The following RPTOR variants were observed in gnomAD, a reference collection of about 807,000 sequenced individuals.
RPTOR encodes regulatory associated protein of MTOR complex 1, also known as regulatory-associated protein of mTOR.
In RPTOR, 21 loss-of-function variants were observed where a neutral mutation model predicts 169.9. The ratio of observed to expected loss-of-function variants is 0.12; its 90% CI spans 0.09 to 0.18. The LOEUF is 0.18. Ranked by LOEUF, RPTOR falls within the 10% of genes least tolerant of loss-of-function variation. RPTOR has a pLI of 1.00. For synonymous variants in RPTOR, 732 were observed against 753.2 expected, an observed-to-expected ratio of 0.97 and a Z score of 0.46; for missense variants, 1,133 against 1,855.9, an observed-to-expected ratio of 0.61 and a Z score of 7.16.
In RPTOR at chr17:80,926,961, C is replaced by G. The variant is rs531376591; in HGVS notation, c.2919+1481C>G. 9.2e-5 allele frequency among the ~76,000 whole-genome samples: 14 copies of G among 152,348 alleles called. No homozygotes were observed. In the East Asian group the frequency reaches 2.7e-3, roughly 29 times the overall value. On this transcript the variant is annotated intron_variant, in intron 24 of 33. Transcript: ENST00000306801. ...GGTGGATTCAGTCCTAGTCAGAAGC[C>G]CCTCACCAGGCCCACCTGCTGGGCT...
chr17:80,763,771 A>C (rs1424198725), intron 6 of RPTOR, among the ~76,000 whole-genome samples: 1 of 152,246 alleles, frequency 6.6e-6, no homozygotes. Flanking sequence ...GACCACACGC[A>C]ATGAAGCTAG....
intron 6 of RPTOR, among the ~76,000 whole-genome samples, chr17:80,757,177 AC>A (rs1303536699): frequency 6.6e-6 from 1 of 152,174 alleles, no homozygotes; most frequent in Admixed American, 6.5e-5. Flanking sequence ...TGTTGAGAGA[AC>A]AAGAATATGG....
intron 1 of RPTOR, among the ~76,000 whole-genome samples, chr17:80,606,201 G>A (rs539891336): frequency 1.3e-5 from 2 of 152,020 alleles, no homozygotes; most frequent in East Asian, 1.9e-4. Context: ...CAGTAGAGAC[G>A]GGGTTTCACC....
intron 3 of RPTOR, among the ~76,000 whole-genome samples, chr17:80,699,182 C>T (rs2066062023): frequency 1.3e-5 from 2 of 152,262 alleles, no homozygotes; most frequent in Admixed American, 6.5e-5. Context: ...TCTGGAGAAG[C>T]TCATCGGGCT....
chr17:80,840,514 C>CT (rs1567942067), intron 10 of RPTOR, among the ~76,000 whole-genome samples: 1 of 95,438 alleles, frequency 1.0e-5, no homozygotes, highest in Non-Finnish European at 2.3e-5. Flanking sequence ...GCAGCTCACA[C>CT]CACGGCAGCT....
Position 80,960,945 on chromosome 17 carries a change from A to T in RPTOR, c.3606-449A>T. The T allele has an allele frequency of 5.6e-6, 1 of 177,526 alleles. No individual in the cohort carries two copies. Among genetic ancestry groups the T allele is most frequent in the Non-Finnish European group, 1.2e-5 (1 of 83,514 alleles). The allele number at this position is 177,526 out of a possible 1,614,324, so 11.0% of individuals were successfully genotyped here. A position where few individuals can be genotyped will look rare whatever the true frequency, so the allele number is the denominator to read the frequency against. On this transcript the variant is annotated intron_variant, in intron 30 of 33. Transcript: ENST00000306801. The surrounding 1 kb of genome is among the most constrained non-coding windows in gnomAD (Gnocchi z 4.8). ...CACCCAGCACAGAGCGAGGATTCCC[A>T]GAAGGTCCTTGTGCCTCCAGCTTCA...
At chr17:80,930,699 G>A (rs2068887183) in intron 24 of RPTOR, among the ~76,000 whole-genome samples, 1 of 152,256 alleles carries the variant, frequency 6.6e-6, no homozygotes, top group Non-Finnish European at 1.5e-5. Flanking sequence ...GGTTTTGGAT[G>A]GAAGCTGCGT....
Position 80,721,472 on chromosome 17 carries a change from C to T in RPTOR, c.508-9088C>T, listed in dbSNP as rs965086315. Among the ~76,000 whole-genome samples, 12 of 151,524 alleles carry T rather than the reference C, an allele frequency of 7.9e-5. No individual in the cohort carries two copies. Among genetic ancestry groups the T allele is most frequent in the Admixed American group, 2.0e-4 (3 of 15,270 alleles). On this transcript the variant is annotated intron_variant, in intron 4 of 33. Coordinates refer to ENST00000306801, the MANE Select transcript of RPTOR (RefSeq NM_020761.3). This position sits in a 1 kb window ranked among gnomAD's most constrained non-coding sequence, Gnocchi z 4.7. ...GAAGCCATGCTGGCTCTTCCTGCTG[C>T]GTGTGCATCTGGCCCTGGAAAGAGG... is the stretch of plus-strand genomic sequence containing the variant.
At chr17:80,952,088 G>A (rs1188856553) in intron 28 of RPTOR, among the ~76,000 whole-genome samples, 2 of 152,190 alleles carry the variant, frequency 1.3e-5, no homozygotes, top group African/African-American at 4.8e-5. Flanking sequence ...GATGTCTCAC[G>A]GGCCTGAGGG....
chr17:80,601,253 G>T (rs1366513975), intron 1 of RPTOR, among the ~76,000 whole-genome samples: 4 of 15,806 alleles, frequency 2.5e-4, no homozygotes, highest in Non-Finnish European at 6.2e-4. Context: ...CTTGCCTGCT[G>T]AGGACCCGGA....
intron 1 of RPTOR, among the ~76,000 whole-genome samples, chr17:80,607,652 C>T (rs968501279): frequency 6.6e-6 from 1 of 151,120 alleles, no homozygotes; most frequent in African/African-American, 2.4e-5. Flanking sequence ...TTTTATATCT[C>T]CCCGATTTTT....
chr17:80,793,531 C>G (rs1055828143), intron 7 of RPTOR, among the ~76,000 whole-genome samples: 3 of 152,118 alleles, frequency 2.0e-5, no homozygotes, highest in Middle Eastern at 3.2e-3. Flanking sequence ...CGCCTGGTAG[C>G]AGGAGCCCAA....
chr17:80,791,328 G>C (rs1024019311), intron 6 of RPTOR, 122 bp from the exon 7 acceptor site: 14 of 716,190 alleles, frequency 2.0e-5, no homozygotes, highest in Non-Finnish European at 2.8e-5. Flanking sequence ...AAATCTGAGT[G>C]TACTTGTTCA....
chr17:80,869,069 A>G (rs1318886967), intron 13 of RPTOR, among the ~76,000 whole-genome samples: 1 of 152,234 alleles, frequency 6.6e-6, no homozygotes, highest in Non-Finnish European at 1.5e-5. Flanking sequence ...TCAAATTTAT[A>G]TGTCGCTTAT....
intron 11 of RPTOR, among the ~76,000 whole-genome samples, chr17:80,847,924 C>T (rs991428937): frequency 6.6e-6 from 1 of 152,262 alleles, no homozygotes; most frequent in Non-Finnish European, 1.5e-5. Flanking sequence ...TTATCTCTGT[C>T]ACGGCCATGG....
At chr17:80,814,253 C>T (rs79185233) in intron 7 of RPTOR, among the ~76,000 whole-genome samples, 4,118 of 152,194 alleles carry the variant, frequency 0.027, 216 homozygotes, top group African/African-American at 0.095. Context: ...TCCTTTAATA[C>T]GTAAATTGTA....
intron 1 of RPTOR, among the ~76,000 whole-genome samples, chr17:80,554,202 A>AT (rs1160163157): frequency 6.7e-6 from 1 of 149,940 alleles, no homozygotes; most frequent in Admixed American, 6.6e-5. Flanking sequence ...TTTTTTTTGG[A>AT]TTTTTTGTAG....
chr17:80,682,109 C>A (rs34914062), intron 3 of RPTOR, among the ~76,000 whole-genome samples: 1 of 69,778 alleles, frequency 1.4e-5, no homozygotes, highest in East Asian at 6.2e-4. Context: ...TGATTAGGTC[C>A]CCCCCCCCAC....
chr17:80,964,484 G>C lies in RPTOR; in HGVS notation c.*154G>C. 1.4e-6 allele frequency: 1 copy of C among 705,628 alleles called. No individual in the cohort carries two copies. The highest frequency in any genetic ancestry group is 2.3e-5 in the Admixed American group (1 of 42,858). 43.7% of individuals were successfully genotyped at this position (705,628 alleles called of 1,614,324 possible). ...TGACGGCAGGAGGGCCCTGCTACTC[G>C]CTTTTGTCTGTCTTCGCTGTCGTGT... is the stretch of plus-strand genomic sequence containing the variant. On this transcript the variant is annotated 3_prime_UTR_variant, in exon 34 of 34. Coordinates refer to ENST00000306801, the MANE Select transcript of RPTOR (RefSeq NM_020761.3).
Sources: allele counts gnomAD v4.1 joint callset (sites outside exome capture counted in the v4.1 genomes callset), GRCh38; gene constraint gnomAD v4.1.1; non-coding constraint Gnocchi (gnomAD v3.1); transcripts MANE v1.5; gene names NCBI Gene and HGNC (gene_info 2026-07-23, HGNC 2026-07-21).